Variants in SLC49A4 observed in about 807,000 individuals in gnomAD.
SLC49A4 encodes the protein solute carrier family 49 member 4, also known as disrupted in renal cancer protein 2.
Under a neutral mutation model 50.6 loss-of-function variants are expected in SLC49A4, and 36 were observed. That is an observed-to-expected ratio of 0.71 (90% CI 0.55 to 0.94). The LOEUF (loss-of-function observed/expected upper bound fraction) is 0.94, where lower values mean the gene tolerates loss of function less well. Among genes scored for constraint, SLC49A4 ranks in the 40% least tolerant of loss-of-function variants. The pLI is 0.00. For missense variants in SLC49A4, 503 were observed against 605.7 expected (o/e 0.83, Z 1.78); for synonymous variants, 248 against 241.2 (o/e 1.03, Z -0.26).
intron 2 of SLC49A4, among the ~76,000 whole-genome samples, chr3:122,812,431 A>G (rs1936311695): frequency 1.3e-5 from 2 of 152,236 alleles, no homozygotes; most frequent in South Asian, 4.1e-4. Context: ...GACTTTTCTC[A>G]GTAAAATACA....
chr3:122,795,354 G>A lies in SLC49A4; in HGVS notation c.162G>A (p.Val54=), dbSNP rs1419983854. Residue 54 remains valine, a synonymous_variant, in exon 1 of 9, where the codon GTG becomes GTA. Transcript: ENST00000261038. ...PGRVYGRRWL[V]LLLFSLLAFV... Reference sequence around the variant, plus strand: ...GGGTATACGGGCGCCGCTGGCTGGTGCTGCTGCTCTTCTCGCTGCTGGCGT... The same window carrying A: ...GGGTATACGGGCGCCGCTGGCTGGTACTGCTGCTCTTCTCGCTGCTGGCGT... The A allele has an allele frequency of 4.4e-6, 7 of 1,584,250 alleles. No individual in the cohort carries two copies. The highest frequency in any genetic ancestry group is 2.4e-5 in the East Asian group (1 of 42,346).
At chr3:122,819,536 A>T (rs927489349) in intron 2 of SLC49A4, among the ~76,000 whole-genome samples, 3 of 152,176 alleles carry the variant, frequency 2.0e-5, no homozygotes, top group Non-Finnish European at 4.4e-5. Flanking sequence ...CAGATACTCA[A>T]TAGATATTTT....
intron 1 of SLC49A4, among the ~76,000 whole-genome samples, chr3:122,797,528 C>G (rs573346113): frequency 6.6e-6 from 1 of 152,296 alleles, no homozygotes; most frequent in Non-Finnish European, 1.5e-5. Context: ...AACAAAGATA[C>G]CCAGCCCTGA....
rs117539767 is a variant in SLC49A4 at position 122,868,570 on chromosome 3, C to A, written c.1139-3845C>A. 1.2e-4 allele frequency among the ~76,000 whole-genome samples: 19 copies of A among 152,318 alleles called. No individual in the cohort carries two copies. In the East Asian group the frequency reaches 2.7e-3, roughly 22 times the overall value. ...GAGAACTGAAAACTCAAATGGAAGT[C>A]AAATTCAGACTTGGAATAATCAGCC... On this transcript the variant is annotated intron_variant, in intron 7 of 8. Transcript: ENST00000261038.
chr3:122,812,401 T>C (rs1936311460), intron 2 of SLC49A4, among the ~76,000 whole-genome samples: 1 of 152,184 alleles, frequency 6.6e-6, no homozygotes, highest in Non-Finnish European at 1.5e-5. Flanking sequence ...AAATGAGCAA[T>C]TGGTAGATTT....
chr3:122,833,483 A>G, intron 4 of SLC49A4, 37 bp downstream of exon 4: 1 of 1,578,470 alleles, frequency 6.3e-7, no homozygotes. Flanking sequence ...GCTTTGACTG[A>G]CACCTTCAAG....
chr3:122,815,708 T>C (rs1159016540), intron 2 of SLC49A4, among the ~76,000 whole-genome samples: 1 of 152,226 alleles, frequency 6.6e-6, no homozygotes, highest in African/African-American at 2.4e-5. Flanking sequence ...CTATCAGATC[T>C]TTGTGGCTCT....
chr3:122,833,046 G>A (rs1392687277), intron 3 of SLC49A4, among the ~76,000 whole-genome samples: 3 of 151,936 alleles, frequency 2.0e-5, no homozygotes, highest in Non-Finnish European at 4.4e-5. Flanking sequence ...AGACCAGCCT[G>A]GACAACATGG....
intron 4 of SLC49A4, among the ~76,000 whole-genome samples, chr3:122,834,899 A>G (rs1303858072): frequency 6.6e-6 from 1 of 152,190 alleles, no homozygotes; most frequent in South Asian, 2.1e-4. Flanking sequence ...AATACAAAAG[A>G]TCATTCAAGA....
Position 122,856,344 on chromosome 3 carries a change from G to A in SLC49A4, c.980G>A (p.Gly327Glu). The A allele has an allele frequency of 6.2e-7, 1 of 1,614,026 alleles. No individual in the cohort carries two copies. ...AGWIGFWSIV[G>E]GCVVGIAMAR... is the part of the protein sequence containing the mutation. ...TGGATTGGATTTTGGTCCATAGTTG[G>A]AGGCTGTGTTGTTGGAATAGCTATG... Residue 327 changes from glycine to glutamate, a missense_variant, in exon 6 of 9, where the codon GGA becomes GAA. Transcript: ENST00000261038.
chr3:122,845,665 C>A, intron 4 of SLC49A4, 98 bp from the exon 5 acceptor site: 135 of 113,240 alleles, frequency 1.2e-3, no homozygotes, highest in East Asian at 3.1e-3. Context: ...TTTTCTGATT[C>A]TGGTGTTCCA....
chr3:122,803,057 A>G (rs1455842495), intron 1 of SLC49A4, among the ~76,000 whole-genome samples: 1 of 152,208 alleles, frequency 6.6e-6, no homozygotes, highest in Non-Finnish European at 1.5e-5. Flanking sequence ...ACATTTTCCA[A>G]ATTTAATGAC....
At chr3:122,854,458 T>G (rs967369586) in intron 5 of SLC49A4, among the ~76,000 whole-genome samples, 1 of 152,268 alleles carries the variant, frequency 6.6e-6, no homozygotes, top group African/African-American at 2.4e-5. Context: ...TTTGGACAGC[T>G]CTTTTCCTCA....
chr3:122,820,359 G>A (rs1936433548), intron 2 of SLC49A4, among the ~76,000 whole-genome samples: 1 of 152,194 alleles, frequency 6.6e-6, no homozygotes, highest in South Asian at 2.1e-4. Flanking sequence ...AATTATAAAT[G>A]TGATTTTACA....
chr3:122,833,441 A>G lies in SLC49A4; in HGVS notation c.828A>G (p.Leu276=), dbSNP rs1484977001. 6.2e-7 allele frequency: 1 copy of G among 1,613,112 alleles called. No homozygotes were observed. The highest frequency in any genetic ancestry group is 8.5e-7 in the Non-Finnish European group (1 of 1,179,448). Residue 276 remains leucine, a synonymous_variant, in exon 4 of 9, where the codon TTA becomes TTG. Coordinates refer to ENST00000261038, the MANE Select transcript of SLC49A4 (RefSeq NM_032839.3). ...RLSYRRSVCR[L]LSNFRFLMIA... ...GTTATCGGAGAAGCGTTTGTAGATT[A>G]TTAAGGTAAATATACTGAGAGTCAC...
chr3:122,855,232 T>C (rs546666614), intron 5 of SLC49A4, among the ~76,000 whole-genome samples: 1 of 152,318 alleles, frequency 6.6e-6, no homozygotes, highest in East Asian at 1.9e-4. Flanking sequence ...AGTAACTATT[T>C]CCGAGCAGGG....
chr3:122,873,248 C>T (rs930857641), intron 8 of SLC49A4, among the ~76,000 whole-genome samples: 1 of 151,848 alleles, frequency 6.6e-6, no homozygotes, highest in Non-Finnish European at 1.5e-5. Context: ...GGCACGATCT[C>T]AACTCACTGC....
At position 122,806,885 on chromosome 3, in the gene SLC49A4, C is replaced by T. The variant is rs1436333548; in HGVS notation, c.372C>T (p.Ser124=). ...TCCGGATAACTGTGCTCCTGACATC[C>T]TTCCTTATGGTTTTGGGAACTGGTC... is the stretch of plus-strand genomic sequence containing the variant. ...RGLRITVLLT[S]FLMVLGTGLR... is the part of the protein sequence containing the mutation. Residue 124 remains serine, a synonymous_variant, in exon 2 of 9, where the codon TCC becomes TCT. Coordinates refer to ENST00000261038, the MANE Select transcript of SLC49A4 (RefSeq NM_032839.3). The T allele has an allele frequency of 1.2e-6, 2 of 1,610,162 alleles. No homozygotes were observed. Among genetic ancestry groups the T allele is most frequent in the Non-Finnish European group, 1.7e-6 (2 of 1,176,824 alleles).
At chr3:122,850,172 G>A (rs570578288) in intron 5 of SLC49A4, among the ~76,000 whole-genome samples, 6 of 152,116 alleles carry the variant, frequency 3.9e-5, no homozygotes, top group African/African-American at 9.7e-5. Context: ...CAGAAAAATC[G>A]GATCCGTCAA....
Sources: gnomAD v4.1 joint callset for allele counts (sites outside exome capture counted in the v4.1 genomes callset) on GRCh38, gnomAD v4.1.1 for gene constraint, MANE v1.5 for transcripts, NCBI Gene and HGNC (gene_info 2026-07-23, HGNC 2026-07-21) for gene names.